The following LINGO2 variants were observed in gnomAD, a reference collection of about 807,000 sequenced individuals.
LINGO2 encodes the protein leucine-rich repeat and immunoglobulin-like domain-containing nogo receptor-interacting protein 2.
Under a neutral mutation model 30.6 loss-of-function variants are expected in LINGO2, and 14 were observed. The observed-to-expected ratio is 0.46, with a 90% CI of 0.30 to 0.72. The LOEUF is 0.72. LINGO2 is among the 30% of genes least tolerant of loss of function. The pLI, the probability that LINGO2 is intolerant of heterozygous loss-of-function variation, is 0.07. For synonymous variants in LINGO2, 317 were observed against 288.5 expected, an observed-to-expected ratio of 1.10 and a Z score of -1.00; for missense variants, 729 against 751.7, an observed-to-expected ratio of 0.97 and a Z score of 0.35.
At chr9:28,741,826 G>T in the LINGO2 span, among the ~76,000 whole-genome samples, 2 of 151,698 alleles carry the variant, frequency 1.3e-5, no homozygotes, top group Non-Finnish European at 2.9e-5. Context: ...TAGGGCTGCA[G>T]GAGCTGACCC....
the LINGO2 span, among the ~76,000 whole-genome samples, chr9:28,962,346 A>G: frequency 2.0e-5 from 3 of 152,252 alleles, no homozygotes; most frequent in South Asian, 4.1e-4. Flanking sequence ...CCAAATTCAT[A>G]CAGATAGTAA....
chr9:29,160,584 G>T, the LINGO2 span, among the ~76,000 whole-genome samples: 1 of 150,378 alleles, frequency 6.6e-6, no homozygotes, highest in Non-Finnish European at 1.5e-5. Context: ...CATTCCAATG[G>T]TAACATTTGA....
chr9:28,857,567 G>A, the LINGO2 span, among the ~76,000 whole-genome samples: 1 of 151,938 alleles, frequency 6.6e-6, no homozygotes, highest in Non-Finnish European at 1.5e-5. Context: ...GGTACTTTAG[G>A]CAGATTGGCA....
chr9:29,074,218 A>G, the LINGO2 span, among the ~76,000 whole-genome samples: 1 of 152,180 alleles, frequency 6.6e-6, no homozygotes, highest in Non-Finnish European at 1.5e-5. Flanking sequence ...AAATCTACAT[A>G]AATGTATCAA....
intron 1 of LINGO2, among the ~76,000 whole-genome samples, chr9:28,626,011 A>AAAAC (rs1413379706): frequency 4.4e-5 from 4 of 90,578 alleles, no homozygotes; most frequent in Non-Finnish European, 8.3e-5. Flanking sequence ...AAAACAAAAC[A>AAAAC]AAAAAAACTA....
chr9:28,494,996 G>C (rs1413412318), intron 1 of LINGO2, among the ~76,000 whole-genome samples: 1 of 152,138 alleles, frequency 6.6e-6, no homozygotes, highest in Non-Finnish European at 1.5e-5. Context: ...TCATGTGTCT[G>C]TTGGCTGCAT....
chr9:28,354,047 A>G (rs975022563), intron 3 of LINGO2, among the ~76,000 whole-genome samples: 11 of 152,058 alleles, frequency 7.2e-5, no homozygotes, highest in African/African-American at 1.2e-4. Flanking sequence ...GATATACCTA[A>G]TGCTAGATGA....
chr9:28,110,089 C>CACACATCT (rs1443937800), intron 4 of LINGO2, among the ~76,000 whole-genome samples: 1 of 152,098 alleles, frequency 6.6e-6, no homozygotes, highest in Non-Finnish European at 1.5e-5. Flanking sequence ...GAAATAACAC[C>CACACATCT]ACACATCTAC....
chr9:27,941,780 CCTCTTT>C, the LINGO2 span: 4 of 152,190 alleles, frequency 2.6e-5, no homozygotes, highest in African/African-American at 9.6e-5. Context: ...CAATTCATTT[CCTCTTT>C]AACACTAGAC....
At chr9:28,161,730 T>C (rs1486222499) in intron 4 of LINGO2, among the ~76,000 whole-genome samples, 2 of 152,106 alleles carry the variant, frequency 1.3e-5, no homozygotes, top group East Asian at 1.9e-4. Flanking sequence ...CTAGTATCTA[T>C]GATCCAATCA....
Position 28,097,573 on chromosome 9 carries a change from A to G in LINGO2, c.-86-85168T>C, listed in dbSNP as rs562308674. Among the ~76,000 whole-genome samples, 88 of 142,676 alleles carry G rather than the reference A, an allele frequency of 6.2e-4. 1 individual carries two copies. The South Asian group carries it at 0.02, about 32-fold the overall frequency. 93.6% of individuals were successfully genotyped at this position (142,676 alleles called of 152,430 possible). ...AATTGGAAACCATCATTCTCAGTAA[A>G]CTATCGCAAGAACAAAAAACCAAAC... On this transcript the variant is annotated intron_variant, in intron 4 of 5. Coordinates refer to ENST00000379992, the Ensembl canonical transcript of LINGO2.
the LINGO2 span, among the ~76,000 whole-genome samples, chr9:28,850,044 C>T: frequency 0.039 from 5,946 of 151,900 alleles, 384 homozygotes; most frequent in African/African-American, 0.13. Context: ...CTTATAATAC[C>T]CACTTTAGTT....
the LINGO2 span, among the ~76,000 whole-genome samples, chr9:29,194,031 C>T: frequency 6.6e-6 from 1 of 152,150 alleles, no homozygotes; most frequent in Non-Finnish European, 1.5e-5. Flanking sequence ...CTCTGGAGTC[C>T]AGCCTCCACC....
At chr9:28,312,542 A>G (rs1824670440) in intron 3 of LINGO2, among the ~76,000 whole-genome samples, 1 of 152,188 alleles carries the variant, frequency 6.6e-6, no homozygotes, top group South Asian at 2.1e-4. Context: ...ATAAATATCA[A>G]CATGCAGAGA....
chr9:28,100,407 T>G (rs2133308854), intron 4 of LINGO2, among the ~76,000 whole-genome samples: 1 of 152,226 alleles, frequency 6.6e-6, no homozygotes, highest in Non-Finnish European at 1.5e-5. Context: ...AGGGCTTAAA[T>G]AGATAAATCA....
intron 5 of LINGO2, among the ~76,000 whole-genome samples, chr9:28,003,295 C>T (rs1351136321): frequency 1.3e-5 from 2 of 151,738 alleles, no homozygotes; most frequent in Non-Finnish European, 2.9e-5. Flanking sequence ...GGGTAATTAT[C>T]TCACTCATTT....
chr9:28,506,521 T>TATATATATAA (rs1564250911), intron 1 of LINGO2, among the ~76,000 whole-genome samples: 1 of 131,200 alleles, frequency 7.6e-6, no homozygotes, highest in African/African-American at 2.8e-5. Context: ...TATATATATA[T>TATATATATAA]AAACTGTTGG....
chr9:28,189,944 A>G (rs889034498), intron 4 of LINGO2, among the ~76,000 whole-genome samples: 1 of 152,040 alleles, frequency 6.6e-6, no homozygotes, highest in African/African-American at 2.4e-5. Flanking sequence ...GGACAGCAAA[A>G]AACAAGGGAA....
intron 4 of LINGO2, among the ~76,000 whole-genome samples, chr9:28,154,058 C>T (rs1828068298): frequency 6.6e-6 from 1 of 152,110 alleles, no homozygotes; most frequent in South Asian, 2.1e-4. Context: ...AAGACTTGAA[C>T]TTGCTTTAAT....
Sources: allele counts gnomAD v4.1 joint callset (sites outside exome capture counted in the v4.1 genomes callset), GRCh38; gene constraint gnomAD v4.1.1; transcripts MANE v1.5; gene names NCBI Gene and HGNC (gene_info 2026-07-23, HGNC 2026-07-21).